The following SCTR variants were observed in gnomAD, a reference collection of about 807,000 sequenced individuals.
SCTR encodes secretin receptor.
A neutral mutation model predicts 60.8 loss-of-function variants in SCTR; 56 were observed. The observed-to-expected ratio is 0.92, with a 90% CI of 0.74 to 1.15. The LOEUF (loss-of-function observed/expected upper bound fraction) is 1.15, where lower values mean the gene tolerates loss of function less well. Among genes scored for constraint, SCTR ranks in the 50% most tolerant of loss-of-function variants. The pLI is 0.00. For missense variants in SCTR, 562 were observed against 550.4 expected (o/e 1.02, Z -0.21); for synonymous variants, 202 against 217.0 (o/e 0.93, Z 0.61).
intron 1 of SCTR, among the ~76,000 whole-genome samples, chr2:119,522,354 C>T (rs1414503451): frequency 6.6e-6 from 1 of 151,902 alleles, no homozygotes; most frequent in African/African-American, 2.4e-5. Context: ...AAAGACAGAG[C>T]CCTGGATGGT....
At position 119,473,547 on chromosome 2, in the gene SCTR, A is replaced by G; in HGVS notation, c.311T>C (p.Phe104Ser). 1 of 1,613,462 alleles carries G rather than the reference A, an allele frequency of 6.2e-7. No homozygotes were observed. Among genetic ancestry groups the G allele is most frequent in the Non-Finnish European group, 8.5e-7 (1 of 1,179,428 alleles). Reference sequence around the variant, plus strand: ...CCAGCCATCCTGTGTGCAGTTTCGGAACAAGGAACCTGTGGGTGCCAAGAG... The same window carrying G: ...CCAGCCATCCTGTGTGCAGTTTCGGGACAAGGAACCTGTGGGTGCCAAGAG... ...RMLTSRNGSL[F>S]RNCTQDGWSE... The change falls in exon 4 of 13, where the codon TTC becomes TCC. Residue 104 changes from phenylalanine (F) to serine (S), a missense_variant. By Grantham distance (155) the Phe-to-Ser change is radical (BLOSUM62 -2). Coordinates refer to ENST00000019103, the MANE Select transcript of SCTR (RefSeq NM_002980.3).
intron 4 of SCTR, among the ~76,000 whole-genome samples, chr2:119,469,421 C>A (rs779320847): frequency 6.6e-6 from 1 of 152,120 alleles, no homozygotes; most frequent in South Asian, 2.1e-4. Context: ...AAGGTAGGAA[C>A]CATAAGACCT....
intron 1 of SCTR, among the ~76,000 whole-genome samples, chr2:119,520,502 G>A (rs1334073663): frequency 6.6e-6 from 1 of 152,176 alleles, no homozygotes; most frequent in African/African-American, 2.4e-5. Context: ...CAGCTCTGCA[G>A]GCAACGCTTG....
At chr2:119,518,309 T>C (rs567250624) in intron 1 of SCTR, among the ~76,000 whole-genome samples, 1 of 148,212 alleles carries the variant, frequency 6.7e-6, no homozygotes, top group Admixed American at 6.6e-5. Context: ...ATCCAGGTAG[T>C]CTCAACTCTT....
At chr2:119,451,299 C>G (rs1030141272) in intron 9 of SCTR, among the ~76,000 whole-genome samples, 1 of 152,228 alleles carries the variant, frequency 6.6e-6, no homozygotes, top group African/African-American at 2.4e-5. Context: ...CCTCTGTCCC[C>G]CTATGCTGAA....
intron 1 of SCTR, among the ~76,000 whole-genome samples, chr2:119,517,165 C>CT (rs879596871): frequency 0.012 from 1,730 of 145,590 alleles, 24 homozygotes; most frequent in African/African-American, 0.029. Context: ...ACTTTAAGTG[C>CT]TTTTTTTTTT....
chr2:119,469,540 G>A (rs1456573739), intron 4 of SCTR, among the ~76,000 whole-genome samples: 1 of 152,096 alleles, frequency 6.6e-6, no homozygotes, highest in African/African-American at 2.4e-5. Flanking sequence ...ATCCAGGCTG[G>A]AGTACAGTAG....
intron 1 of SCTR, among the ~76,000 whole-genome samples, chr2:119,508,383 C>CTTCT (rs1678823151): frequency 2.6e-5 from 2 of 77,376 alleles, no homozygotes; most frequent in African/African-American, 5.4e-5. Context: ...TCTTCTTCTT[C>CTTCT]TTTTTTTTTT....
intron 1 of SCTR, among the ~76,000 whole-genome samples, chr2:119,504,402 G>A (rs1259987616): frequency 6.6e-6 from 1 of 152,100 alleles, no homozygotes; most frequent in East Asian, 1.9e-4. Flanking sequence ...AGATCAGCCT[G>A]ACCAAGATGG....
At chr2:119,513,873 T>C (rs1409816959) in intron 1 of SCTR, among the ~76,000 whole-genome samples, 1 of 152,220 alleles carries the variant, frequency 6.6e-6, no homozygotes, top group African/African-American at 2.4e-5. Context: ...CTGGTGCCCA[T>C]CCATTGCTTT....
intron 7 of SCTR, among the ~76,000 whole-genome samples, chr2:119,457,183 A>C (rs2104787219): frequency 6.6e-6 from 1 of 152,322 alleles, no homozygotes; most frequent in South Asian, 2.1e-4. Flanking sequence ...TAGCATTGGA[A>C]GGCTGTCCAA....
rs773084750 is a variant in SCTR, at chr2:119,461,852, C to T, written c.785G>A (p.Gly262Glu). 1 of 1,612,208 alleles carries T rather than the reference C, an allele frequency of 6.2e-7. No individual in the cohort carries two copies. Among genetic ancestry groups the T allele is most frequent in the Non-Finnish European group, 8.5e-7 (1 of 1,179,030 alleles). ...RKYLQGFVAF[G>E]WGSPAIFVAL... is the part of the protein sequence containing the mutation. ...AGACCCAGGGAGAAACATACCCCAT[C>T]CGAATGCCACAAATCCCTGGAGGTA... Residue 262 changes from glycine to glutamate, a missense_variant, in exon 7 of 13, where the codon GGA becomes GAA. Coordinates refer to ENST00000019103, the MANE Select transcript of SCTR (RefSeq NM_002980.3).
chr2:119,454,171 G>A (rs1034017287), intron 7 of SCTR, among the ~76,000 whole-genome samples: 1 of 152,166 alleles, frequency 6.6e-6, no homozygotes, highest in Non-Finnish European at 1.5e-5. Context: ...GCTGTCTGGG[G>A]CAATGCCGCT....
At chr2:119,484,424 A>C (rs1310743063) in intron 2 of SCTR, among the ~76,000 whole-genome samples, 1 of 152,166 alleles carries the variant, frequency 6.6e-6, no homozygotes, top group African/African-American at 2.4e-5. Context: ...TGCCTGCCCC[A>C]GTGCCCGTGG....
chr2:119,518,538 A>G (rs536282773), intron 1 of SCTR, among the ~76,000 whole-genome samples: 2 of 152,324 alleles, frequency 1.3e-5, no homozygotes, highest in South Asian at 4.1e-4. Flanking sequence ...ACCCTCCCCA[A>G]ATGCCATCCT....
chr2:119,469,330 G>A (rs1374877425), intron 4 of SCTR, among the ~76,000 whole-genome samples: 3 of 152,212 alleles, frequency 2.0e-5, no homozygotes, highest in Non-Finnish European at 4.4e-5. Context: ...TCATGCAGAA[G>A]ATTCTGCACT....
Position 119,467,836 on chromosome 2 carries a change from C to T in SCTR, c.406-1950G>A, listed in dbSNP as rs114499365. On this transcript the variant is annotated intron_variant, in intron 4 of 12. Transcript: ENST00000019103. Reference sequence around the variant, plus strand: ...GTCAGGACATGCTGATATATTATTACATGAAAAAGCAGAATTCAAACTTTA... The same window carrying T: ...GTCAGGACATGCTGATATATTATTATATGAAAAAGCAGAATTCAAACTTTA... Among the ~76,000 whole-genome samples, 1,205 of 152,224 alleles carry T rather than the reference C, an allele frequency of 7.9e-3. 16 individuals are homozygous for T. Among genetic ancestry groups the T allele is most frequent in the African/African-American group, 0.024 (1,016 of 41,530 alleles).
At chr2:119,478,662 G>A in intron 3 of SCTR, 149 bp downstream of exon 3, 2 of 691,472 alleles carry the variant, frequency 2.9e-6, no homozygotes, top group Non-Finnish European at 4.8e-6. Context: ...CCCAAGCAAG[G>A]CTTCTAATCC....
At position 119,515,679 on chromosome 2, in the gene SCTR, TC is replaced by T. The variant is rs147454679; in HGVS notation, c.72+8475del. On this transcript the variant is annotated intron_variant, in intron 1 of 12. Transcript: ENST00000019103. ...TGGATTTTAGAACTTGCACAAGTGG[TC>T]CCCCCATGGTTCCCAGGACTCTAGC... 2.3e-3 allele frequency among the ~76,000 whole-genome samples: 356 copies of T among 152,220 alleles called. 8 individuals carry two copies. The East Asian group carries it at 0.052, about 22-fold the overall frequency.
Sources: gnomAD v4.1 joint callset for allele counts (sites outside exome capture counted in the v4.1 genomes callset) on GRCh38, gnomAD v4.1.1 for gene constraint, MANE v1.5 for transcripts, NCBI Gene and HGNC (gene_info 2026-07-23, HGNC 2026-07-21) for gene names.